KCTD16: variants seen among roughly 807,000 people sequenced by gnomAD.
KCTD16 encodes potassium channel tetramerization domain containing 16, also known as BTB/POZ domain-containing protein KCTD16.
KCTD16 carries 13 observed loss-of-function variants against 33.2 expected under a neutral mutation model. The ratio of observed to expected loss-of-function variants is 0.39; its 90% confidence interval spans 0.25 to 0.62. The LOEUF is 0.62. Among genes scored for constraint, KCTD16 ranks in the 20% least tolerant of loss-of-function variants. KCTD16 has a pLI of 0.50. For missense variants in KCTD16, 441 were observed against 525.1 expected (o/e 0.84, Z 1.57); for synonymous variants, 197 against 195.3 (o/e 1.01, Z -0.07).
chr5:144,372,061 G>A (rs1751979466), intron 3 of KCTD16, among the ~76,000 whole-genome samples: 1 of 152,114 alleles, frequency 6.6e-6, no homozygotes, highest in South Asian at 2.1e-4. Context: ...TTACATGTTG[G>A]ACACAAACAG....
chr5:144,439,449 C>A, intron 3 of KCTD16: 1 of 298,932 alleles, frequency 3.3e-6, no homozygotes. Flanking sequence ...ATTCCAGTGC[C>A]CGCTACCCAA....
At chr5:144,449,349 A>C (rs1240586095) in intron 3 of KCTD16, among the ~76,000 whole-genome samples, 1 of 151,988 alleles carries the variant, frequency 6.6e-6, no homozygotes, top group South Asian at 2.1e-4. Context: ...CAGATTCAAT[A>C]CTATACCCAT....
At position 144,174,482 on chromosome 5, in the gene KCTD16, A is replaced by G. The variant is rs753317407; in HGVS notation, c.-327+10A>G. 6.6e-6 allele frequency: 1 copy of G among 152,218 alleles called. No homozygotes were observed. Among genetic ancestry groups the G allele is most frequent in the Non-Finnish European group, 1.5e-5 (1 of 68,042 alleles). The allele number at this position is 152,218 out of a possible 1,614,324, so 9.4% of individuals were successfully genotyped here. ...AATGGTAAAAACCAATGTAAGTGCC[A>G]GTGTTTGTTTTTACTCTCCCTATAT... On this transcript the variant is annotated intron_variant, in intron 2 of 3. Coordinates refer to ENST00000512467, the MANE Select transcript of KCTD16 (RefSeq NM_020768.4).
chr5:144,464,765 TTCTTCTTCTTCTTCC>T (rs913989016), intron 3 of KCTD16, among the ~76,000 whole-genome samples: 10 of 151,690 alleles, frequency 6.6e-5, no homozygotes, highest in African/African-American at 2.2e-4. Flanking sequence ...CTTCCTCTTC[TTCTTCTTCTTCTTCC>T]TCTTCTTCTT....
At chr5:144,371,470 G>A (rs1751963898) in intron 3 of KCTD16, among the ~76,000 whole-genome samples, 1 of 152,124 alleles carries the variant, frequency 6.6e-6, no homozygotes, top group Non-Finnish European at 1.5e-5. Flanking sequence ...ACCTCTCAGA[G>A]CTTCTGTGTC....
intron 3 of KCTD16, among the ~76,000 whole-genome samples, chr5:144,405,831 A>G (rs1350754863): frequency 6.6e-6 from 1 of 152,170 alleles, no homozygotes. Context: ...AAGACCCAAG[A>G]CAGTAGGGCT....
intron 3 of KCTD16, among the ~76,000 whole-genome samples, chr5:144,378,321 G>T (rs986379375): frequency 1.3e-5 from 2 of 152,152 alleles, no homozygotes; most frequent in African/African-American, 4.8e-5. Flanking sequence ...ATATGAATAA[G>T]GTGGTGTATA....
At chr5:144,192,443 C>T (rs1752861243) in intron 2 of KCTD16, among the ~76,000 whole-genome samples, 1 of 152,176 alleles carries the variant, frequency 6.6e-6, no homozygotes, top group Non-Finnish European at 1.5e-5. Context: ...CATGAGGTTT[C>T]ACTTAATTGC....
chr5:144,326,407 A>T (rs939285512), intron 3 of KCTD16, among the ~76,000 whole-genome samples: 1 of 152,202 alleles, frequency 6.6e-6, no homozygotes. Flanking sequence ...ATAAATTTTT[A>T]AAAAATGTTT....
At chr5:144,427,839 T>TA (rs1422484778) in intron 3 of KCTD16, among the ~76,000 whole-genome samples, 1 of 152,058 alleles carries the variant, frequency 6.6e-6, no homozygotes, top group Non-Finnish European at 1.5e-5. Flanking sequence ...ATTAGGATAT[T>TA]AAAAAAATGG....
At chr5:144,413,723 A>T (rs925739875) in intron 3 of KCTD16, among the ~76,000 whole-genome samples, 4 of 152,228 alleles carry the variant, frequency 2.6e-5, no homozygotes, top group African/African-American at 4.8e-5. Context: ...CGTGGTCAGG[A>T]TGGAGACTCC....
intron 3 of KCTD16, among the ~76,000 whole-genome samples, chr5:144,265,461 C>G (rs1755117376): frequency 6.6e-6 from 1 of 152,178 alleles, no homozygotes. Context: ...CCTTGTAATA[C>G]TTTGTCAGAA....
chr5:144,285,768 G>A (rs1755728009), intron 3 of KCTD16, among the ~76,000 whole-genome samples: 1 of 152,042 alleles, frequency 6.6e-6, no homozygotes, highest in Non-Finnish European at 1.5e-5. Context: ...CTCGAATGAT[G>A]GTATTTTGTG....
intron 3 of KCTD16, among the ~76,000 whole-genome samples, chr5:144,298,305 G>A (rs904600114): frequency 2.6e-5 from 4 of 152,184 alleles, no homozygotes; most frequent in Non-Finnish European, 4.4e-5. Context: ...TGGGAGCAAG[G>A]ACCCCTCGGT....
At chr5:144,362,346 G>A (rs1194161326) in intron 3 of KCTD16, among the ~76,000 whole-genome samples, 1 of 152,122 alleles carries the variant, frequency 6.6e-6, no homozygotes, top group African/African-American at 2.4e-5. Context: ...TTTACTATTT[G>A]AATATAATTC....
rs912120080 is a variant in KCTD16, at chr5:144,485,087, G to A, written c.*10973G>A. The A allele has an allele frequency of 1.3e-5, 2 of 151,872 alleles. No homozygotes were observed. Among genetic ancestry groups the A allele is most frequent in the African/African-American group, 2.4e-5 (1 of 41,390 alleles). 9.4% of individuals were successfully genotyped at this position (151,872 alleles called of 1,614,324 possible). ...ATAGCAAATATACATAAACTACTGTGACTCTAATAACTCTAACTGTTTTTA... is the reference window on the plus strand; with the variant it reads ...ATAGCAAATATACATAAACTACTGTAACTCTAATAACTCTAACTGTTTTTA... On this transcript the variant is annotated 3_prime_UTR_variant, in exon 4 of 4. Coordinates refer to ENST00000512467, the MANE Select transcript of KCTD16 (RefSeq NM_020768.4).
At chr5:144,434,964 G>T (rs571319115) in intron 3 of KCTD16, among the ~76,000 whole-genome samples, 7 of 152,174 alleles carry the variant, frequency 4.6e-5, no homozygotes, top group Non-Finnish European at 1.0e-4. Flanking sequence ...TCCCTTCAAA[G>T]TGGAAGAGGA....
intron 3 of KCTD16, among the ~76,000 whole-genome samples, chr5:144,325,696 C>G (rs764542679): frequency 9.9e-5 from 15 of 152,124 alleles, no homozygotes; most frequent in Non-Finnish European, 1.9e-4. Flanking sequence ...GGCAGTACAT[C>G]CTGAAGAGGC....
chr5:144,370,332 A>C (rs2126923280), intron 3 of KCTD16, among the ~76,000 whole-genome samples: 1 of 152,312 alleles, frequency 6.6e-6, no homozygotes, highest in East Asian at 1.9e-4. Flanking sequence ...TCCTAGTTCT[A>C]CCTAGACTGA....
Sources: allele counts gnomAD v4.1 joint callset (sites outside exome capture counted in the v4.1 genomes callset), GRCh38; gene constraint gnomAD v4.1.1; transcripts MANE v1.5; gene names NCBI Gene and HGNC (gene_info 2026-07-23, HGNC 2026-07-21).